SHC3: variants seen among roughly 807,000 people sequenced by gnomAD.
The protein encoded by SHC3 is SHC-transforming protein 3.
A neutral mutation model predicts 60.4 loss-of-function variants in SHC3; 15 were observed. The ratio of observed to expected loss-of-function variants is 0.25; its 90% CI spans 0.17 to 0.38. The LOEUF (loss-of-function observed/expected upper bound fraction) is 0.38, where lower values mean the gene tolerates loss of function less well. Ranked by LOEUF, SHC3 falls within the 10% of genes least tolerant of loss-of-function variation. The probability of loss-of-function intolerance (pLI) is 1.00; values close to 1 mark genes in which losing one functional copy is unlikely to be tolerated. For missense variants in SHC3, 677 were observed against 786.1 expected, an observed-to-expected ratio of 0.86 and a Z score of 1.66; for synonymous variants, 294 against 325.9, an observed-to-expected ratio of 0.90 and a Z score of 1.05.
intron 1 of SHC3, among the ~76,000 whole-genome samples, chr9:89,118,332 A>G (rs1323740485): frequency 6.6e-6 from 1 of 152,036 alleles, no homozygotes; most frequent in Admixed American, 6.6e-5. Flanking sequence ...AAAGCTAAAC[A>G]ATGGAGCCCA....
At chr9:89,042,611 T>C (rs935980128) in intron 9 of SHC3, among the ~76,000 whole-genome samples, 1 of 152,214 alleles carries the variant, frequency 6.6e-6, no homozygotes, top group Non-Finnish European at 1.5e-5. Flanking sequence ...GCAAATGCTT[T>C]ATAAATTAAC....
At chr9:89,109,141 T>C (rs2118103791) in intron 2 of SHC3, 2 of 985,018 alleles carry the variant, frequency 2.0e-6, no homozygotes, top group Non-Finnish European at 2.4e-6. Context: ...ACAAACAACA[T>C]AAATATCTTG....
chr9:89,078,028 C>A (rs1825387960), intron 2 of SHC3, 125 bp from the exon 3 acceptor site: 7 of 1,098,662 alleles, frequency 6.4e-6, no homozygotes, highest in Admixed American at 2.2e-5. Flanking sequence ...AACAGAGCTG[C>A]CAATTTGGGA....
At chr9:89,081,424 G>C (rs759273704) in intron 2 of SHC3, among the ~76,000 whole-genome samples, 4 of 152,094 alleles carry the variant, frequency 2.6e-5, no homozygotes, top group Non-Finnish European at 5.9e-5. Context: ...TTGCAGGGAA[G>C]AAGGCACCCT....
At position 89,021,052 on chromosome 9, in the gene SHC3, A is replaced by C. The variant is rs533928033; in HGVS notation, c.1657-7477T>G. 3.3e-4 allele frequency among the ~76,000 whole-genome samples: 51 copies of C among 152,322 alleles called. 1 individual carries two copies. Among genetic ancestry groups the C allele is most frequent in the Non-Finnish European group, 6.8e-4 (46 of 68,026 alleles). The stretch of plus-strand genomic sequence containing the variant: ...GACCTCACAGGGACATTTCGCACTG[A>C]GCTTCAGCGCCCACACAGGAGATGC... On this transcript the variant is annotated intron_variant, in intron 11 of 11. Coordinates refer to ENST00000375835, the MANE Select transcript of SHC3 (RefSeq NM_016848.6).
chr9:89,167,441 G>T (rs1233214143), intron 1 of SHC3, among the ~76,000 whole-genome samples: 1 of 152,186 alleles, frequency 6.6e-6, no homozygotes, highest in Non-Finnish European at 1.5e-5. Flanking sequence ...ACCAAGCAAG[G>T]GGTACCATGA....
chr9:89,042,520 A>T (rs1299048742), intron 9 of SHC3, among the ~76,000 whole-genome samples: 1 of 152,232 alleles, frequency 6.6e-6, no homozygotes, highest in African/African-American at 2.4e-5. Flanking sequence ...CCTCTCCTTG[A>T]CAAATGCTCC....
intron 11 of SHC3, among the ~76,000 whole-genome samples, chr9:89,031,478 T>C (rs1232371061): frequency 1.3e-5 from 2 of 152,222 alleles, no homozygotes; most frequent in Non-Finnish European, 2.9e-5. Context: ...AACTTTACTA[T>C]GAATAGAATA....
intron 11 of SHC3, among the ~76,000 whole-genome samples, chr9:89,026,254 CAAAAAAAAAAA>C (rs67891062): frequency 9.8e-6 from 1 of 102,154 alleles, no homozygotes; most frequent in Non-Finnish European, 1.9e-5. Context: ...AACTACATCT[CAAAAAAAAAAA>C]AAAAAAAAAC....
intron 1 of SHC3, among the ~76,000 whole-genome samples, chr9:89,135,007 C>T (rs1486108379): frequency 2.6e-5 from 4 of 152,086 alleles, no homozygotes; most frequent in South Asian, 4.1e-4. Flanking sequence ...AAATTCAGAG[C>T]ATATTTGTTT....
chr9:89,038,829 C>T (rs1824627670), intron 10 of SHC3, among the ~76,000 whole-genome samples: 1 of 152,228 alleles, frequency 6.6e-6, no homozygotes, highest in Non-Finnish European at 1.5e-5. Flanking sequence ...TTGGGTTCCT[C>T]TTGTGTGACT....
chr9:89,013,243 G>A lies in SHC3; in HGVS notation c.*204C>T, dbSNP rs766888239. On this transcript the variant is annotated 3_prime_UTR_variant, in exon 12 of 12. Coordinates refer to ENST00000375835, the MANE Select transcript of SHC3 (RefSeq NM_016848.6). ...TATAGAGGGATAATTTGTACAGGAT[G>A]TATAGGTATGTACACCTTTAATATG... 17 of 403,360 alleles carry A rather than the reference G, an allele frequency of 4.2e-5. No individual in the cohort carries two copies. Among genetic ancestry groups the A allele is most frequent in the Non-Finnish European group, 6.9e-5 (16 of 233,156 alleles). The allele number at this position is 403,360 out of a possible 1,614,324, so 25.0% of individuals were successfully genotyped here.
At chr9:89,169,570 G>A (rs1298020740) in intron 1 of SHC3, among the ~76,000 whole-genome samples, 1 of 152,118 alleles carries the variant, frequency 6.6e-6, no homozygotes, top group East Asian at 1.9e-4. Context: ...GGGCCTTCAT[G>A]TCTAGAAGGA....
chr9:89,054,949 C>T (rs1199328944), intron 6 of SHC3, among the ~76,000 whole-genome samples: 2 of 152,202 alleles, frequency 1.3e-5, no homozygotes, highest in African/African-American at 2.4e-5. Flanking sequence ...CCCAAGCTGC[C>T]CCGGAGCAGC....
intron 2 of SHC3, among the ~76,000 whole-genome samples, chr9:89,095,059 G>A (rs1825681905): frequency 6.6e-6 from 1 of 152,080 alleles, no homozygotes. Flanking sequence ...ACGGCATGGC[G>A]GTTCCTCAAA....
At chr9:89,037,482 C>T (rs762896449) in intron 11 of SHC3, 2 of 711,552 alleles carry the variant, frequency 2.8e-6, no homozygotes, top group African/African-American at 1.8e-5. Context: ...TATTCAGATA[C>T]AGCTGTAGTG....
chr9:89,026,909 G>GC (rs1392987886), intron 11 of SHC3, among the ~76,000 whole-genome samples: 12 of 152,164 alleles, frequency 7.9e-5, no homozygotes, highest in Non-Finnish European at 1.3e-4. Context: ...GTCTTCCCTG[G>GC]CCCTATTGCT....
intron 2 of SHC3, among the ~76,000 whole-genome samples, chr9:89,080,254 T>C (rs917709869): frequency 6.6e-6 from 1 of 152,210 alleles, no homozygotes; most frequent in African/African-American, 2.4e-5. Flanking sequence ...TTTTTAATCA[T>C]AGGGATTGCT....
intron 9 of SHC3, among the ~76,000 whole-genome samples, chr9:89,044,876 A>G (rs573763637): frequency 6.6e-6 from 1 of 152,312 alleles, no homozygotes; most frequent in Admixed American, 6.5e-5. Context: ...AAGATGCAGA[A>G]GTGTTCTCTG....
Sources: allele counts gnomAD v4.1 joint callset (sites outside exome capture counted in the v4.1 genomes callset), GRCh38; gene constraint gnomAD v4.1.1; transcripts MANE v1.5; gene names NCBI Gene and HGNC (gene_info 2026-07-23, HGNC 2026-07-21).